The following TRHDE variants were observed in gnomAD, a reference collection of about 807,000 sequenced individuals.
TRHDE encodes the protein thyrotropin releasing hormone degrading enzyme.
A neutral mutation model predicts 125.7 loss-of-function variants in TRHDE; 72 were observed. The observed-to-expected ratio is 0.57, with a 90% confidence interval of 0.47 to 0.70. The LOEUF (loss-of-function observed/expected upper bound fraction) is 0.70, where lower values mean the gene tolerates loss of function less well. Among genes scored for constraint, TRHDE ranks in the 30% least tolerant of loss-of-function variants. The pLI is 0.00. For synonymous variants in TRHDE, 509 were observed against 509.1 expected, an observed-to-expected ratio of 1.00 and a Z score of 0.00; for missense variants, 1,110 against 1,327.1, an observed-to-expected ratio of 0.84 and a Z score of 2.54.
chr12:72,640,856 A>G (rs555922507), intron 15 of TRHDE, among the ~76,000 whole-genome samples: 1 of 152,344 alleles, frequency 6.6e-6, no homozygotes, highest in East Asian at 1.9e-4. Context: ...ATTAATTGTT[A>G]GGCCTCACTC....
chr12:72,097,333 A>G lies in TRHDE; in HGVS notation n.175-8315A>G, dbSNP rs150338244. Among the ~76,000 whole-genome samples the G allele has an allele frequency of 1.0e-3, 153 of 152,150 alleles. 4 individuals are homozygous for G. The East Asian group carries it at 0.017, about 17-fold the overall frequency. On this transcript the variant is annotated intron_variant and non_coding_transcript_variant, in intron 1 of 4. Coordinates refer to the TRHDE transcript ENST00000548156. Reference sequence around the variant, plus strand: ...GAGCACTGGTCTAGAGGGTCACCTCATAATTTTAGAAACAGATGATGTTTC... The same window carrying G: ...GAGCACTGGTCTAGAGGGTCACCTCGTAATTTTAGAAACAGATGATGTTTC...
chr12:72,298,441 A>G (rs1476869909), intron 2 of TRHDE, among the ~76,000 whole-genome samples: 1 of 152,194 alleles, frequency 6.6e-6, no homozygotes, highest in Non-Finnish European at 1.5e-5. Context: ...ATAATATTAA[A>G]AAGTTTTTCT....
chr12:72,632,575 A>C (rs1192731008), intron 15 of TRHDE, among the ~76,000 whole-genome samples: 6 of 151,956 alleles, frequency 3.9e-5, no homozygotes. Flanking sequence ...TCAGTGTTTT[A>C]GACTGAGTCA....
intron 3 of TRHDE, among the ~76,000 whole-genome samples, chr12:72,456,047 A>T (rs2135877489): frequency 6.6e-6 from 1 of 151,066 alleles, no homozygotes; most frequent in Non-Finnish European, 1.5e-5. Flanking sequence ...TATATATGTA[A>T]TATTATGCAG....
At chr12:72,131,884 C>G (rs1000334642) in intron 2 of TRHDE, among the ~76,000 whole-genome samples, 2 of 152,134 alleles carry the variant, frequency 1.3e-5, no homozygotes, top group Non-Finnish European at 2.9e-5. Flanking sequence ...GCATGTTCCC[C>G]CTACAAGGAG....
At chr12:72,456,565 A>G (rs774653779) in intron 3 of TRHDE, among the ~76,000 whole-genome samples, 3 of 152,074 alleles carry the variant, frequency 2.0e-5, no homozygotes, top group Non-Finnish European at 2.9e-5. Context: ...GATCAGTTAC[A>G]TGTCGTTTTG....
chr12:72,378,113 C>G lies in TRHDE; in HGVS notation c.1307C>G (p.Pro436Arg). 12 of 1,569,496 alleles carry G rather than the reference C, an allele frequency of 7.6e-6. No homozygotes were observed. The highest frequency in any genetic ancestry group is 1.0e-5 in the Non-Finnish European group (12 of 1,165,706). ...EDYFKVPYSLPKLDLLAVPKH... is the reference protein window; with the variant it reads ...EDYFKVPYSLRKLDLLAVPKH... ...TACTTTAAAGTGCCCTATTCCTTGC[C>G]AAAACTAGGTAAGAATTTTCTTGGT... The change falls in exon 3 of 19, where the codon CCA becomes CGA. Residue 436 changes from proline to arginine, a missense_variant. Transcript: ENST00000261180.
intron 3 of TRHDE, among the ~76,000 whole-genome samples, chr12:72,416,500 A>G (rs1303967960): frequency 1.3e-5 from 2 of 151,890 alleles, no homozygotes; most frequent in African/African-American, 4.8e-5. Context: ...GTTTACTTCT[A>G]ATAGTTTCAT....
chr12:72,585,447 A>G (rs17742263), intron 12 of TRHDE, among the ~76,000 whole-genome samples: 9,006 of 152,268 alleles, frequency 0.059, 374 homozygotes, highest in Admixed American at 0.13. Context: ...TCCACAGTAA[A>G]TAGACATCAT....
intron 2 of TRHDE, among the ~76,000 whole-genome samples, chr12:72,128,494 T>C (rs182052692): frequency 6.6e-6 from 1 of 152,318 alleles, no homozygotes; most frequent in African/African-American, 2.4e-5. Context: ...CTGACACAGA[T>C]GTTAAATTTT....
chr12:72,636,238 C>T (rs923500960), intron 15 of TRHDE, among the ~76,000 whole-genome samples: 14 of 151,562 alleles, frequency 9.2e-5, no homozygotes, highest in Non-Finnish European at 2.1e-4. Flanking sequence ...AAGTTGGATT[C>T]CTAGGTATTT....
intron 12 of TRHDE, among the ~76,000 whole-genome samples, chr12:72,602,556 A>AT (rs1020420522): frequency 2.6e-5 from 4 of 152,256 alleles, no homozygotes; most frequent in African/African-American, 7.2e-5. Context: ...CAAAAGTACC[A>AT]TTTTTGCAAG....
At chr12:72,472,081 A>C (rs1198049657) in intron 4 of TRHDE, among the ~76,000 whole-genome samples, 1 of 152,168 alleles carries the variant, frequency 6.6e-6, no homozygotes, top group African/African-American at 2.4e-5. Flanking sequence ...CTTAGAGAGA[A>C]TGTTTTTGCT....
intron 2 of TRHDE, among the ~76,000 whole-genome samples, chr12:72,332,692 C>T (rs567663842): frequency 3.9e-5 from 6 of 152,288 alleles, no homozygotes; most frequent in Middle Eastern, 6.8e-3. Context: ...TTTCTACATA[C>T]TAGGTACTGA....
chr12:72,493,868 C>T (rs1429428222), intron 5 of TRHDE, among the ~76,000 whole-genome samples: 4 of 151,984 alleles, frequency 2.6e-5, no homozygotes, highest in Non-Finnish European at 2.9e-5. Flanking sequence ...AAACTCTACC[C>T]TGCCTAAGGC....
intron 3 of TRHDE, among the ~76,000 whole-genome samples, chr12:72,401,873 T>C (rs1453210872): frequency 6.6e-6 from 1 of 152,182 alleles, no homozygotes; most frequent in Non-Finnish European, 1.5e-5. Context: ...CATCTTTTTC[T>C]CTGTTTCAGT....
chr12:72,155,704 A>G (rs1024047942), intron 2 of TRHDE, among the ~76,000 whole-genome samples: 3 of 152,156 alleles, frequency 2.0e-5, no homozygotes, highest in Non-Finnish European at 2.9e-5. Context: ...CTGCAAAACA[A>G]TGGATATTGG....
At chr12:72,170,325 T>A (rs1876842320) in intron 2 of TRHDE, among the ~76,000 whole-genome samples, 1 of 152,302 alleles carries the variant, frequency 6.6e-6, no homozygotes, top group Middle Eastern at 3.4e-3. Context: ...TGCTCTTGAC[T>A]TAATGTGAAA....
chr12:72,292,353 A>G (rs996251337), intron 2 of TRHDE, among the ~76,000 whole-genome samples: 1 of 152,110 alleles, frequency 6.6e-6, no homozygotes, highest in African/African-American at 2.4e-5. Context: ...AGCTGAGGAG[A>G]AGGAAAAGTT....
Sources: gnomAD v4.1 joint callset for allele counts (sites outside exome capture counted in the v4.1 genomes callset) on GRCh38, gnomAD v4.1.1 for gene constraint, MANE v1.5 for transcripts, NCBI Gene and HGNC (gene_info 2026-07-23, HGNC 2026-07-21) for gene names.